IGSF22: variants seen among roughly 807,000 people sequenced by gnomAD.
IGSF22 encodes the protein immunoglobulin superfamily, member 22.
A neutral mutation model predicts 127.0 loss-of-function variants in IGSF22; 119 were observed. The observed-to-expected ratio is 0.94, with a 90% CI of 0.81 to 1.09. The LOEUF (loss-of-function observed/expected upper bound fraction) is 1.09, where lower values mean the gene tolerates loss of function less well. Ranked by LOEUF, IGSF22 falls within the 50% of genes least tolerant of loss-of-function variation. The pLI is 0.00. For missense variants in IGSF22, 1,518 were observed against 1,716.6 expected (o/e 0.88, Z 2.04); for synonymous variants, 568 against 664.7 (o/e 0.85, Z 2.24).
rs1283476789 is a variant in IGSF22 at position 18,721,661 on chromosome 11, G to T, written c.252C>A (p.Ala84=). The change falls in exon 4 of 23, where the codon GCC becomes GCA. Residue 84 remains alanine, a synonymous_variant. Coordinates refer to ENST00000513874, the MANE Select transcript of IGSF22 (RefSeq NM_173588.4). ...TCCCCTGCACCCGGGCTCGGAACACGGCTTTGTCCCCTGCGATGAGCACAG... is the reference window on the plus strand; with the variant it reads ...TCCCCTGCACCCGGGCTCGGAACACTGCTTTGTCCCCTGCGATGAGCACAG... ...QPVTAPEGDK[A]VFRARVQGNA... 6.2e-6 allele frequency: 10 copies of T among 1,614,136 alleles called. No homozygotes were observed. In the Admixed American group the frequency reaches 1.5e-4, roughly 24 times the overall value.
chr11:18,725,308 A>T (rs1030785395), intron 1 of IGSF22, among the ~76,000 whole-genome samples: 1 of 151,866 alleles, frequency 6.6e-6, no homozygotes, highest in Admixed American at 6.6e-5. Context: ...TTGTGTTTTC[A>T]GTAGAGACAG....
chr11:18,716,550 T>A lies in IGSF22; in HGVS notation c.1246+178A>T, dbSNP rs908274893. ...GCTATTCTAATTTCATTTTCATACCTGCCTCCCCTACTAGACTAGGGGTTA... is the reference window on the plus strand; with the variant it reads ...GCTATTCTAATTTCATTTTCATACCAGCCTCCCCTACTAGACTAGGGGTTA... On this transcript the variant is annotated intron_variant, in intron 10 of 22. Coordinates refer to ENST00000513874, the MANE Select transcript of IGSF22 (RefSeq NM_173588.4). The surrounding 1 kb of genome is among the most constrained non-coding windows in gnomAD (Gnocchi z 4.5). 2.6e-5 allele frequency among the ~76,000 whole-genome samples: 4 copies of A among 152,178 alleles called. No individual in the cohort carries two copies. Among genetic ancestry groups the A allele is most frequent in the African/African-American group, 9.7e-5 (4 of 41,436 alleles).
In IGSF22 at chr11:18,712,156, C is replaced by G. The variant is rs768034247; in HGVS notation, c.2324G>C (p.Arg775Pro). Residue 775 changes from arginine (R) to proline (P), a missense_variant, in exon 15 of 23, where the codon CGT (arginine) becomes CCT (proline). This residue lies in a region of IGSF22 where 1,456 missense variants were observed against 1,644.9 expected (regional missense o/e 0.89). Coordinates refer to ENST00000513874, the MANE Select transcript of IGSF22 (RefSeq NM_173588.4). ...KVEEGKAYQF[R>P]ILAVNSEGVS... ...ACCTTCTGAATTGACTGCCAGGATA[C>G]GGAACTGGTAGGCTTTTCCCTCTTC... 2 of 1,551,632 alleles carry G rather than the reference C, an allele frequency of 1.3e-6. No individual in the cohort carries two copies. Among genetic ancestry groups the G allele is most frequent in the Non-Finnish European group, 1.7e-6 (2 of 1,147,012 alleles).
chr11:18,713,086 C>T (rs1484755949), intron 14 of IGSF22, among the ~76,000 whole-genome samples: 1 of 151,884 alleles, frequency 6.6e-6, no homozygotes, highest in Non-Finnish European at 1.5e-5. Flanking sequence ...CACTTTCAAA[C>T]TCACTACTCT....
In IGSF22 at chr11:18,719,700, C is replaced by G. The variant is rs547109493; in HGVS notation, c.696+16G>C. 1 of 1,612,420 alleles carries G rather than the reference C, an allele frequency of 6.2e-7. No individual in the cohort carries two copies. The highest frequency in any genetic ancestry group is 1.3e-5 in the African/African-American group (1 of 74,964). On this transcript the variant is annotated intron_variant, in intron 7 of 22. Coordinates refer to ENST00000513874, the MANE Select transcript of IGSF22 (RefSeq NM_173588.4). Reference sequence around the variant, plus strand: ...GCCCCTAGCCTGCAGGCCCCTGCTCCCTGCAGGGTACTTACCTCCACCTCT... The same window carrying G: ...GCCCCTAGCCTGCAGGCCCCTGCTCGCTGCAGGGTACTTACCTCCACCTCT...
At position 18,717,951 on chromosome 11, in the gene IGSF22, C is replaced by T. The variant is rs1848491740; in HGVS notation, c.953G>A (p.Ser318Asn). 4 of 1,614,066 alleles carry T rather than the reference C, an allele frequency of 2.5e-6. No individual in the cohort carries two copies. Among genetic ancestry groups the T allele is most frequent in the Admixed American group, 1.7e-5 (1 of 60,014 alleles). The part of the protein sequence containing the change: ...YSLSVGDKRM[S>N]AELTVLDEPL... ...CATACCCAGCACTGTGAGCTCTGCA[C>T]TCATCCGCTTATCGCCCACGGACAG... The change falls in exon 9 of 23, where the codon AGT becomes AAT. Residue 318 changes from serine to asparagine, a missense_variant. Ser to Asn is a conservative substitution (Grantham distance 46). Coordinates refer to ENST00000513874, the MANE Select transcript of IGSF22 (RefSeq NM_173588.4).
At chr11:18,719,659 C>T (rs1848530858) in intron 7 of IGSF22, 57 bp downstream of exon 7, 2 of 1,564,280 alleles carry the variant, frequency 1.3e-6, no homozygotes, top group Non-Finnish European at 1.7e-6. Context: ...GGCACTAGCA[C>T]TTTGGGTGAA....
chr11:18,721,800 A>G lies in IGSF22; in HGVS notation c.241+110T>C, dbSNP rs943398574. 1.9e-6 allele frequency: 3 copies of G among 1,584,270 alleles called. No homozygotes were observed. In the African/African-American group the frequency reaches 4.0e-5, roughly 21 times the overall value. ...CCGGGCAGGGGAGGAACCCTCGGCC[A>G]GGCTCTGCCAGGGTTTAGCATTGGA... On this transcript the variant is annotated intron_variant, in intron 3 of 22. Transcript: ENST00000513874.
chr11:18,715,567 T>C lies in IGSF22; in HGVS notation c.1396A>G (p.Met466Val). 1 of 1,614,118 alleles carries C rather than the reference T, an allele frequency of 6.2e-7. No individual in the cohort carries two copies. Among genetic ancestry groups the C allele is most frequent in the South Asian group, 1.1e-5 (1 of 91,082 alleles). Residue 466 changes from methionine (M) to valine (V), a missense_variant, in exon 11 of 23, where the codon ATG (methionine) becomes GTG (valine). Physicochemically the swap from Met to Val is conservative, Grantham distance 21 (BLOSUM62 1). Transcript: ENST00000513874. ...QLLMHGTKYSMNHEGKRAELI... is the reference protein window; with the variant it reads ...QLLMHGTKYSVNHEGKRAELI... The stretch of plus-strand genomic sequence containing the variant: ...TCTGCTCGCTTGCCCTCATGGTTCA[T>C]GCTGTACTTAGTGCCATGCATCAGC...
At chr11:18,718,819 T>C (rs1363816325) in intron 7 of IGSF22, 91 bp from the exon 8 acceptor site, 5 of 762,710 alleles carry the variant, frequency 6.6e-6, no homozygotes, top group Non-Finnish European at 1.1e-5. Flanking sequence ...CTCTTAAGCA[T>C]GTGGGGAGAA....
At position 18,720,019 on chromosome 11, in the gene IGSF22, G is replaced by T. The variant is rs1348816; in HGVS notation, c.518+45C>A. 494 of 1,612,466 alleles carry T rather than the reference G, an allele frequency of 3.1e-4. 1 individual carries two copies. The African/African-American group carries it at 6.0e-3, about 20-fold the overall frequency. ...AGAGGCCTTTGAGAGGCTTTGGCCT[G>T]GATGAGGAGACAATATCTTGGGCAG... On this transcript the variant is annotated intron_variant, in intron 6 of 22. Transcript: ENST00000513874.
rs1848329971 is a variant in IGSF22, at chr11:18,710,395, G to A, written c.2633C>T (p.Ala878Val). The change falls in exon 17 of 23, where the codon GCT (alanine) becomes GTT (valine). Residue 878 changes from alanine (A) to valine (V), a missense_variant. Around this residue, in one of 3 missense-constraint regions of IGSF22, gnomAD observed 1,456 missense variants for 1,644.9 expected, o/e 0.89. Coordinates refer to ENST00000513874, the MANE Select transcript of IGSF22 (RefSeq NM_173588.4). Reference protein sequence around the residue: ...EDTEYEFRVIAVNKAGPGQPS... With the variant: ...EDTEYEFRVIVVNKAGPGQPS... ...CTGTCCAGGGCCTGCCTTATTTACA[G>A]CTATAACTCGGAATTCATATTCTGT... The A allele has an allele frequency of 2.5e-6, 4 of 1,614,188 alleles. No homozygotes were observed. The East Asian group carries it at 6.7e-5, about 27-fold the overall frequency.
At chr11:18,711,506 T>G (rs894228742) in intron 15 of IGSF22, among the ~76,000 whole-genome samples, 1 of 152,188 alleles carries the variant, frequency 6.6e-6, no homozygotes, top group East Asian at 1.9e-4. Flanking sequence ...CAAGCAATTC[T>G]CTTGCCTCAA....
In IGSF22 at chr11:18,707,112, C is replaced by A. The variant is rs1848253636; in HGVS notation, c.3382G>T (p.Ala1128Ser). Residue 1128 changes from alanine to serine, a missense_variant, in exon 21 of 23, where the codon GCT becomes TCT. By Grantham distance (99) the Ala-to-Ser change is moderately conservative. Around this residue, in one of 3 missense-constraint regions of IGSF22, gnomAD observed 1,456 missense variants for 1,644.9 expected, o/e 0.89. Transcript: ENST00000513874. ...TCCCGCTTCATGATGATGTAGTGAG[C>A]CTCACCGTCCTCCTGCACATCTGGG... ...HSPDVQEDGE[A>S]HYIIMKRDAS... The A allele has an allele frequency of 1.3e-6, 2 of 1,551,542 alleles. No individual in the cohort carries two copies. The highest frequency in any genetic ancestry group is 1.7e-4 in the Middle Eastern group (1 of 6,014).
rs942795433 is a variant in IGSF22 at position 18,714,393 on chromosome 11, A to G, written c.1682T>C (p.Ile561Thr). The G allele has an allele frequency of 1.2e-6, 2 of 1,614,012 alleles. No homozygotes were observed. Among genetic ancestry groups the G allele is most frequent in the Admixed American group, 1.7e-5 (1 of 60,026 alleles). Residue 561 changes from isoleucine (I) to threonine (T), a missense_variant, in exon 13 of 23, where the codon ATT (isoleucine) becomes ACT (threonine). Transcript: ENST00000513874. ...CTTGTGCACTGCACCCTGCTTCACAATCTGCATGCCTGGCAAGTCCGTGAT... is the reference window on the plus strand; with the variant it reads ...CTTGTGCACTGCACCCTGCTTCACAGTCTGCATGCCTGGCAAGTCCGTGAT... ...KEITDLPGMQ[I>T]VKQGAVHKLI...
chr11:18,704,527 TATC>T lies in IGSF22; in HGVS notation c.3919_3921del (p.Asp1307del). The T allele has an allele frequency of 1.3e-6, 2 of 1,549,086 alleles. No homozygotes were observed. The highest frequency in any genetic ancestry group is 1.7e-6 in the Non-Finnish European group (2 of 1,145,312). On this transcript the variant is annotated inframe_deletion, in exon 23 of 23. Transcript: ENST00000513874. The stretch of plus-strand genomic sequence containing the variant: ...TCGGTGATGGATGCTACAACTGACT[TATC>T]ATCTTTGTCTGAAAGAGCAAAGGAA...
chr11:18,719,981 CAG>C (rs995181293), intron 6 of IGSF22, 81 bp downstream of exon 6: 1 of 1,609,254 alleles, frequency 6.2e-7, no homozygotes, highest in African/African-American at 1.3e-5. Flanking sequence ...TCTTGGAACT[CAG>C]GGCCTTGTTG....
In IGSF22 at chr11:18,714,368, C is replaced by T. The variant is rs557811288; in HGVS notation, c.1707G>A (p.Lys569=). 567 of 1,614,260 alleles carry T rather than the reference C, an allele frequency of 3.5e-4. 7 individuals carry two copies. In the South Asian group the frequency reaches 5.9e-3, roughly 17 times the overall value. Residue 569 remains lysine, a synonymous_variant, in exon 13 of 23, where the codon AAG becomes AAA. Coordinates refer to ENST00000513874, the MANE Select transcript of IGSF22 (RefSeq NM_173588.4). ...CAGGGCCCATACTGGGAAAGATGAG[C>T]TTGTGCACTGCACCCTGCTTCACAA... ...MQIVKQGAVH[K]LIFPSMGPEH...
rs762843884 is a variant in IGSF22 at position 18,715,546 on chromosome 11, C to T, written c.1417G>A (p.Ala473Thr). The change falls in exon 11 of 23, where the codon GCA becomes ACA. Residue 473 changes from alanine to threonine, a missense_variant. By Grantham distance (58) the Ala-to-Thr change is moderately conservative. Transcript: ENST00000513874. ...TGTGCATCCTCAATGATCAGCTCTG[C>T]TCGCTTGCCCTCATGGTTCATGCTG... ...KYSMNHEGKR[A>T]ELIIEDAQLS... 9.3e-6 allele frequency: 15 copies of T among 1,613,734 alleles called. No individual in the cohort carries two copies. In the Admixed American group the frequency reaches 2.3e-4, roughly 25 times the overall value.
Sources: allele counts gnomAD v4.1 joint callset (sites outside exome capture counted in the v4.1 genomes callset), GRCh38; gene constraint gnomAD v4.1.1; regional missense constraint gnomAD v4.1.1; non-coding constraint Gnocchi (gnomAD v3.1); transcripts MANE v1.5; gene names NCBI Gene and HGNC (gene_info 2026-07-23, HGNC 2026-07-21).